Variants in DENND1B observed in about 807,000 individuals in gnomAD.
DENND1B encodes the protein DENN domain-containing protein 1B.
In DENND1B, 59 loss-of-function variants were observed where a neutral mutation model predicts 90.1. The observed-to-expected ratio is 0.65, with a 90% CI of 0.53 to 0.81. The LOEUF is 0.81. Ranked by LOEUF, DENND1B falls within the 40% of genes least tolerant of loss-of-function variation. DENND1B has a pLI of 0.00. For missense variants in DENND1B, 862 were observed against 912.6 expected (o/e 0.94, Z 0.71); for synonymous variants, 337 against 324.6 (o/e 1.04, Z -0.41).
At chr1:197,706,006 G>GTATT (rs36098040) in intron 3 of DENND1B, among the ~76,000 whole-genome samples, 3 of 152,182 alleles carry the variant, frequency 2.0e-5, no homozygotes, top group African/African-American at 7.2e-5. Flanking sequence ...TAATTTCTAA[G>GTATT]TCAGATTGAC....
rs139056668 is a variant in DENND1B at position 197,580,087 on chromosome 1, CTTTTT to C, written c.1149+3060_1149+3064del. 5.2e-5 allele frequency among the ~76,000 whole-genome samples: 4 copies of C among 76,744 alleles called. No individual in the cohort carries two copies. The Admixed American group carries it at 5.6e-4, about 11-fold the overall frequency. The allele number at this position is 76,744 out of a possible 152,430, so 50.3% of individuals were successfully genotyped here. A position where few individuals can be genotyped will look rare whatever the true frequency, so the allele number is the denominator to read the frequency against. On this transcript the variant is annotated intron_variant, in intron 15 of 22. Coordinates refer to ENST00000620048, the MANE Select transcript of DENND1B (RefSeq NM_001195215.2). ...TAATTTTTCTTTCTTTTCTTTCTTT[CTTTTT>C]TTTTTTTTTTTTTTTTTGAGATAAG...
At chr1:197,759,558 G>A (rs1203711896) in intron 2 of DENND1B, among the ~76,000 whole-genome samples, 3 of 151,240 alleles carry the variant, frequency 2.0e-5, no homozygotes, top group Non-Finnish European at 3.0e-5. Flanking sequence ...CATCTTTGGT[G>A]AAACTCCGTC....
chr1:197,599,638 T>G (rs1289421432), intron 13 of DENND1B, among the ~76,000 whole-genome samples: 1 of 151,860 alleles, frequency 6.6e-6, no homozygotes, highest in African/African-American at 2.4e-5. Flanking sequence ...ATTAAATCCC[T>G]ACACTTTTTT....
chr1:197,544,723 AGAGGAAGAGGAG>A (rs1420922496), intron 18 of DENND1B, among the ~76,000 whole-genome samples: 2,694 of 149,938 alleles, frequency 0.018, 33 homozygotes, highest in Non-Finnish European at 0.03. Flanking sequence ...AAGAGGAAGA[AGAGGAAGAGGAG>A]GAGGAAGAGG....
At chr1:197,687,699 A>G (rs968946584) in intron 3 of DENND1B, among the ~76,000 whole-genome samples, 9 of 152,156 alleles carry the variant, frequency 5.9e-5, no homozygotes, top group African/African-American at 2.2e-4. Flanking sequence ...AAAAACTCAC[A>G]GTTAACATTA....
rs532316662 is a variant in DENND1B, at chr1:197,539,747, G to A, written c.1515+217C>T. Among the ~76,000 whole-genome samples, 7 of 152,212 alleles carry A rather than the reference G, an allele frequency of 4.6e-5. No individual in the cohort carries two copies. The East Asian group carries it at 9.6e-4, about 21-fold the overall frequency. On this transcript the variant is annotated intron_variant, in intron 20 of 22. Coordinates refer to ENST00000620048, the MANE Select transcript of DENND1B (RefSeq NM_001195215.2). ...TCACTGGACTATGAGATCTATGAGG[G>A]CATGGGCTAACAAAGCATGTAGAGA...
intron 15 of DENND1B, 44 bp downstream of exon 15, chr1:197,583,108 A>G (rs1296883569): frequency 6.6e-7 from 1 of 1,521,468 alleles, no homozygotes; most frequent in Admixed American, 1.7e-5. Context: ...TGTAAAACTG[A>G]CAATGTTGTC....
At chr1:197,684,310 C>A (rs995353590) in intron 3 of DENND1B, among the ~76,000 whole-genome samples, 1 of 152,102 alleles carries the variant, frequency 6.6e-6, no homozygotes, top group Non-Finnish European at 1.5e-5. Flanking sequence ...CAAAGTCAAA[C>A]AGCTAGCAAA....
intron 2 of DENND1B, chr1:197,746,864 A>T (rs1487401341): frequency 1.2e-6 from 2 of 1,612,134 alleles, no homozygotes; most frequent in African/African-American, 1.3e-5. Context: ...TTTGGCTTTT[A>T]CAAAGTTGTG....
chr1:197,507,248 T>C lies in DENND1B; in HGVS notation c.*3212A>G, dbSNP rs368514317. 24 of 150,738 alleles carry C rather than the reference T, an allele frequency of 1.6e-4. No individual in the cohort carries two copies. In the East Asian group the frequency reaches 3.9e-3, roughly 25 times the overall value. 9.3% of individuals were successfully genotyped at this position (150,738 alleles called of 1,614,324 possible). On this transcript the variant is annotated 3_prime_UTR_variant, in exon 23 of 23. Transcript: ENST00000620048. Reference sequence around the variant, plus strand: ...TTGTTCCTTCAGAGCAGGGACTATGTCAGTTATTTTATTTCCCATATCCTC... The same window carrying C: ...TTGTTCCTTCAGAGCAGGGACTATGCCAGTTATTTTATTTCCCATATCCTC...
intron 20 of DENND1B, among the ~76,000 whole-genome samples, chr1:197,527,709 C>A (rs1669246588): frequency 6.6e-6 from 1 of 152,060 alleles, no homozygotes; most frequent in South Asian, 2.1e-4. Context: ...TGATTTGATT[C>A]AATTATTTGT....
chr1:197,633,604 G>A (rs1679525134), intron 10 of DENND1B, among the ~76,000 whole-genome samples: 1 of 152,132 alleles, frequency 6.6e-6, no homozygotes, highest in Non-Finnish European at 1.5e-5. Context: ...GTGTCCACCA[G>A]GCTCCTATGC....
intron 10 of DENND1B, among the ~76,000 whole-genome samples, chr1:197,626,235 T>C (rs146596131): frequency 0.012 from 1,785 of 151,762 alleles, 44 homozygotes; most frequent in East Asian, 0.094. Flanking sequence ...TTCAGCACCA[T>C]ACCACACCTA....
chr1:197,542,534 G>A (rs547541369), intron 18 of DENND1B, among the ~76,000 whole-genome samples: 121 of 152,218 alleles, frequency 7.9e-4, no homozygotes, highest in African/African-American at 2.8e-3. Context: ...CCTAGTTCAC[G>A]ATAGGCACTC....
intron 1 of DENND1B, 130 bp from the exon 2 acceptor site, chr1:197,773,062 T>C (rs1360709087): frequency 6.6e-6 from 5 of 756,580 alleles, no homozygotes; most frequent in South Asian, 4.7e-5. Flanking sequence ...TACTACAGTA[T>C]AGTAGAAATA....
intron 3 of DENND1B, among the ~76,000 whole-genome samples, chr1:197,713,815 AT>A (rs1558432980): frequency 3.7e-4 from 25 of 68,060 alleles, no homozygotes; most frequent in African/African-American, 1.4e-3. Context: ...AATATATTAT[AT>A]ATAATATATT....
At chr1:197,724,351 T>C (rs1661441037) in intron 2 of DENND1B, among the ~76,000 whole-genome samples, 1 of 152,102 alleles carries the variant, frequency 6.6e-6, no homozygotes, top group African/African-American at 2.4e-5. Flanking sequence ...TATTTTCAAG[T>C]TACAATAAAA....
At chr1:197,554,116 C>T (rs1671493753) in intron 15 of DENND1B, among the ~76,000 whole-genome samples, 1 of 150,262 alleles carries the variant, frequency 6.7e-6, no homozygotes, top group Non-Finnish European at 1.5e-5. Flanking sequence ...CACACACACA[C>T]ACACACACAC....
At chr1:197,580,087 C>CTTTTTTTTTTTTTTTTTTTTTT in intron 15 of DENND1B, among the ~76,000 whole-genome samples, 1 of 76,760 alleles carries the variant, frequency 1.3e-5, no homozygotes, top group South Asian at 5.6e-4. Context: ...TTCTTTCTTT[C>CTTTTTTTTTTTTTTTTTTTTTT]TTTTTTTTTT....
Sources: allele counts gnomAD v4.1 joint callset (sites outside exome capture counted in the v4.1 genomes callset), GRCh38; gene constraint gnomAD v4.1.1; transcripts MANE v1.5; gene names NCBI Gene and HGNC (gene_info 2026-07-23, HGNC 2026-07-21).